The following UST variants were observed in gnomAD, a reference collection of about 807,000 sequenced individuals.
The protein encoded by UST is chondroitin sulfate 2-O-sulfotransferase.
A neutral mutation model predicts 45.6 loss-of-function variants in UST; 21 were observed. The ratio of observed to expected loss-of-function variants is 0.46; its 90% CI spans 0.33 to 0.66. The LOEUF is 0.66. Ranked by LOEUF, UST falls within the 30% of genes least tolerant of loss-of-function variation. The pLI is 0.02. For missense variants in UST, 463 were observed against 512.4 expected, an observed-to-expected ratio of 0.90 and a Z score of 0.93; for synonymous variants, 215 against 200.6, an observed-to-expected ratio of 1.07 and a Z score of -0.61.
At chr6:148,870,104 T>TCACACACACACA (rs60229120) in intron 1 of UST, among the ~76,000 whole-genome samples, 7,169 of 141,434 alleles carry the variant, frequency 0.051, 359 homozygotes, top group African/African-American at 0.13. Flanking sequence ...TGGTAATGTT[T>TCACACACACACA]CACACACACA....
At chr6:148,964,261 C>A in intron 4 of UST, 149 bp from the exon 5 acceptor site, 2 of 891,790 alleles carry the variant, frequency 2.2e-6, no homozygotes, top group Non-Finnish European at 3.4e-6. Flanking sequence ...TATCAGGAAA[C>A]ACCGTTTGCT....
At chr6:148,922,660 A>G (rs1244997788) in intron 2 of UST, among the ~76,000 whole-genome samples, 1 of 149,836 alleles carries the variant, frequency 6.7e-6, no homozygotes, top group Non-Finnish European at 1.5e-5. Context: ...TTTTCTATAG[A>G]GACAGGGTTT....
chr6:148,826,779 C>T (rs1167928618), intron 1 of UST, among the ~76,000 whole-genome samples: 1 of 152,186 alleles, frequency 6.6e-6, no homozygotes. Flanking sequence ...TGTTTCCTTG[C>T]CTTTTCAGCT....
chr6:149,028,362 A>G (rs961935080), intron 7 of UST, among the ~76,000 whole-genome samples: 1 of 152,184 alleles, frequency 6.6e-6, no homozygotes, highest in African/African-American at 2.4e-5. Flanking sequence ...GCCTTACTAT[A>G]TGGTGAGTGT....
intron 7 of UST, among the ~76,000 whole-genome samples, chr6:149,050,435 T>C (rs147614988): frequency 1.3e-5 from 2 of 152,368 alleles, no homozygotes; most frequent in Non-Finnish European, 2.9e-5. Context: ...CATGCTGTGA[T>C]ATCTTGAAGC....
intron 7 of UST, among the ~76,000 whole-genome samples, chr6:149,053,158 T>C (rs962251426): frequency 3.3e-5 from 5 of 152,232 alleles, no homozygotes; most frequent in African/African-American, 4.8e-5. Flanking sequence ...GTTGTTTAGA[T>C]ATAAAAATAT....
intron 5 of UST, among the ~76,000 whole-genome samples, chr6:148,964,867 G>A (rs563700746): frequency 6.6e-6 from 1 of 152,156 alleles, no homozygotes; most frequent in Non-Finnish European, 1.5e-5. Flanking sequence ...TAGCACTGTA[G>A]TGCTTAAGAA....
At chr6:148,955,671 C>T (rs1354882594) in intron 4 of UST, 2 of 152,250 alleles carry the variant, frequency 1.3e-5, no homozygotes, top group Non-Finnish European at 2.9e-5. Flanking sequence ...CTCTTTCAGG[C>T]ATTGTATTTT....
At chr6:148,979,137 T>C (rs898719073) in intron 5 of UST, among the ~76,000 whole-genome samples, 6 of 152,210 alleles carry the variant, frequency 3.9e-5, no homozygotes, top group Admixed American at 6.5e-5. Context: ...GTGGCTTCAT[T>C]GTCAACCACC....
rs1778959436 is a variant in UST, at chr6:148,888,862, A to T, written c.291+1833A>T. On this transcript the variant is annotated intron_variant, in intron 2 of 7. Transcript: ENST00000367463. The stretch of plus-strand genomic sequence containing the variant: ...GCCTCTATTCTAGAGGAGCAAAGGA[A>T]TATAGAGGATTATGTTCTCTCTGGG... Among the ~76,000 whole-genome samples, 3 of 152,216 alleles carry T rather than the reference A, an allele frequency of 2.0e-5. No homozygotes were observed. The South Asian group carries it at 6.2e-4, about 32-fold the overall frequency.
intron 7 of UST, among the ~76,000 whole-genome samples, chr6:149,029,575 TTCTC>T (rs944167267): frequency 1.3e-5 from 2 of 150,778 alleles, no homozygotes; most frequent in Admixed American, 6.6e-5. Context: ...ATTAAACAAA[TTCTC>T]TCTTTCATTT....
chr6:149,004,746 C>A (rs1781615172), intron 5 of UST, among the ~76,000 whole-genome samples: 3 of 151,680 alleles, frequency 2.0e-5, no homozygotes, highest in Admixed American at 6.6e-5. Flanking sequence ...AAATGGAGAA[C>A]CAGGTGGGCC....
At chr6:148,990,479 A>T (rs941104261) in intron 5 of UST, 1 of 778,266 alleles carries the variant, frequency 1.3e-6, no homozygotes, top group African/African-American at 1.9e-5. Flanking sequence ...TTAACGTGAC[A>T]CCAGTGTGTT....
At chr6:148,958,855 C>T (rs1047607654) in intron 4 of UST, 5 of 152,154 alleles carry the variant, frequency 3.3e-5, no homozygotes, top group African/African-American at 7.2e-5. Context: ...CCTCAGAACC[C>T]GATGCTGTCA....
At chr6:149,037,037 T>G (rs1320832168) in intron 7 of UST, among the ~76,000 whole-genome samples, 2 of 151,868 alleles carry the variant, frequency 1.3e-5, no homozygotes, top group Non-Finnish European at 2.9e-5. Flanking sequence ...CTGTTAGGTG[T>G]CAGTTTGGGG....
Position 148,747,726 on chromosome 6 carries a change from T to G in UST, c.247+49T>G, listed in dbSNP as rs1041533769. 4.0e-6 allele frequency: 6 copies of G among 1,513,874 alleles called. No homozygotes were observed. The African/African-American group carries it at 5.7e-5, about 14-fold the overall frequency. The allele number at this position is 1,513,874 out of a possible 1,614,324, so 93.8% of individuals were successfully genotyped here. A position where few individuals can be genotyped will look rare whatever the true frequency, so the allele number is the denominator to read the frequency against. ...GGGCGGCGCCGACAGCGCAAAGTTG[T>G]GCGGCGGGGAGAGGGTCGCGGCGGG... On this transcript the variant is annotated intron_variant, in intron 1 of 7. Transcript: ENST00000367463.
intron 5 of UST, among the ~76,000 whole-genome samples, chr6:148,981,311 T>C (rs1781128464): frequency 6.6e-6 from 1 of 152,226 alleles, no homozygotes; most frequent in African/African-American, 2.4e-5. Context: ...GTAACTTGCC[T>C]ACAGTGAAGC....
In UST at chr6:148,790,487, G is replaced by A. The variant is rs895480653; in HGVS notation, c.247+42810G>A. 2.0e-5 allele frequency among the ~76,000 whole-genome samples: 3 copies of A among 152,212 alleles called. No individual in the cohort carries two copies. In the South Asian group the frequency reaches 6.2e-4, roughly 32 times the overall value. The stretch of plus-strand genomic sequence containing the variant: ...CCTCCTTGGCGAATCTGATTTTGAA[G>A]TCCGTGCCCTGAATCACCTCCACGT... On this transcript the variant is annotated intron_variant, in intron 1 of 7. Coordinates refer to ENST00000367463, the MANE Select transcript of UST (RefSeq NM_005715.3). This position sits in a 1 kb window ranked among gnomAD's most constrained non-coding sequence, Gnocchi z 4.2.
intron 1 of UST, among the ~76,000 whole-genome samples, chr6:148,773,933 G>A (rs6922816): frequency 0.17 from 26,595 of 152,030 alleles, 2,391 homozygotes; most frequent in African/African-American, 0.23. Context: ...CTTGTCTTGC[G>A]GCCCAATTCC....
Sources: allele counts gnomAD v4.1 joint callset (sites outside exome capture counted in the v4.1 genomes callset), GRCh38; gene constraint gnomAD v4.1.1; non-coding constraint Gnocchi (gnomAD v3.1); transcripts MANE v1.5; gene names NCBI Gene and HGNC (gene_info 2026-07-23, HGNC 2026-07-21).